BRINP3: variants seen among roughly 807,000 people sequenced by gnomAD.
BRINP3 encodes BMP/retinoic acid-inducible neural-specific protein 3.
A neutral mutation model predicts 71.0 loss-of-function variants in BRINP3; 19 were observed. The ratio of observed to expected loss-of-function variants is 0.27; its 90% CI spans 0.19 to 0.39. BRINP3 has a LOEUF of 0.39. Among genes scored for constraint, BRINP3 ranks in the 10% least tolerant of loss-of-function variants. The pLI is 1.00. For missense variants in BRINP3, 959 were observed against 940.8 expected (o/e 1.02, Z -0.25); for synonymous variants, 380 against 337.7 (o/e 1.13, Z -1.37).
At chr1:190,203,750 AATAT>A (rs553650706) in intron 6 of BRINP3, among the ~76,000 whole-genome samples, 2 of 39,342 alleles carry the variant, frequency 5.1e-5, no homozygotes, top group East Asian at 9.8e-4. Flanking sequence ...CACTAAAGAA[AATAT>A]ATATATATAT....
intron 2 of BRINP3, among the ~76,000 whole-genome samples, chr1:190,383,663 C>G (rs1220533206): frequency 1.3e-5 from 2 of 151,882 alleles, no homozygotes; most frequent in African/African-American, 4.8e-5. Context: ...TCCATTTTAC[C>G]TGGTAAAGTT....
At chr1:190,436,610 G>T (rs1674474254) in intron 2 of BRINP3, among the ~76,000 whole-genome samples, 1 of 151,732 alleles carries the variant, frequency 6.6e-6, no homozygotes, top group South Asian at 2.1e-4. Context: ...TTTTTAAAAT[G>T]ATCTTAAATA....
intron 7 of BRINP3, among the ~76,000 whole-genome samples, chr1:190,123,932 T>C (rs2102327830): frequency 6.6e-6 from 1 of 152,286 alleles, no homozygotes; most frequent in East Asian, 1.9e-4. Context: ...AGTTCTTCCC[T>C]TATTTTATAG....
intron 2 of BRINP3, among the ~76,000 whole-genome samples, chr1:190,354,626 T>C (rs1042747767): frequency 6.6e-6 from 1 of 151,954 alleles, no homozygotes; most frequent in Non-Finnish European, 1.5e-5. Flanking sequence ...AAGTGCACAA[T>C]ATTTTCTTTG....
chr1:190,226,036 T>A, intron 6 of BRINP3, 46 bp downstream of exon 6: 2 of 1,233,900 alleles, frequency 1.6e-6, no homozygotes, highest in Non-Finnish European at 2.3e-6. Context: ...TTTCAATATA[T>A]TTTTTGTCAA....
rs140574893 is a variant in BRINP3 at position 190,309,144 on chromosome 1, T to C, written c.237-27394A>G. Among the ~76,000 whole-genome samples the C allele has an allele frequency of 7.2e-5, 11 of 151,906 alleles. No homozygotes were observed. In the East Asian group the frequency reaches 1.9e-3, roughly 27 times the overall value. ...GTATGTTTGAACTCATACTACGGCA[T>C]GTGTGAATCTTGAGGACATTATGCT... On this transcript the variant is annotated intron_variant, in intron 2 of 7. Transcript: ENST00000367462.
chr1:190,191,177 C>T (rs1320915808), intron 6 of BRINP3, among the ~76,000 whole-genome samples: 2 of 152,116 alleles, frequency 1.3e-5, no homozygotes, highest in Non-Finnish European at 2.9e-5. Context: ...CAATGATTCT[C>T]TTCTCAGACT....
intron 2 of BRINP3, chr1:190,362,043 T>C (rs1012267568): frequency 5.3e-5 from 8 of 152,152 alleles, no homozygotes; most frequent in Non-Finnish European, 1.2e-4. Context: ...TCACTCTCTT[T>C]CTTTTCTGCC....
intron 2 of BRINP3, among the ~76,000 whole-genome samples, chr1:190,427,843 T>G (rs543006930): frequency 6.6e-6 from 1 of 151,714 alleles, no homozygotes; most frequent in East Asian, 1.9e-4. Flanking sequence ...AGCCAGGTAT[T>G]AAGCCTAGTA....
intron 2 of BRINP3, among the ~76,000 whole-genome samples, chr1:190,300,121 C>T (rs1664565954): frequency 6.6e-6 from 1 of 152,116 alleles, no homozygotes; most frequent in African/African-American, 2.4e-5. Context: ...TGGAAGTTCT[C>T]CTGGATAATA....
chr1:190,430,837 G>T (rs1674048036), intron 2 of BRINP3, among the ~76,000 whole-genome samples: 1 of 151,996 alleles, frequency 6.6e-6, no homozygotes, highest in East Asian at 1.9e-4. Context: ...TCTCACTGTT[G>T]GAGTCAACCT....
intron 4 of BRINP3, among the ~76,000 whole-genome samples, chr1:190,255,695 C>T (rs146400692): frequency 0.017 from 2,549 of 151,850 alleles, 72 homozygotes; most frequent in African/African-American, 0.052. Flanking sequence ...GTCTTGCTAG[C>T]GATCTATCAA....
chr1:190,234,571 G>T, intron 4 of BRINP3, 94 bp from the exon 5 acceptor site: 1 of 863,630 alleles, frequency 1.2e-6, no homozygotes, highest in South Asian at 1.8e-5. Flanking sequence ...TTATACGTTT[G>T]ACAGTAAATA....
intron 2 of BRINP3, among the ~76,000 whole-genome samples, chr1:190,351,068 T>G (rs999481264): frequency 1.3e-5 from 2 of 152,078 alleles, no homozygotes; most frequent in African/African-American, 4.8e-5. Context: ...CCTCCCAAAG[T>G]GCTGGGATTA....
chr1:190,332,564 C>T (rs1246909309), intron 2 of BRINP3, among the ~76,000 whole-genome samples: 4 of 151,970 alleles, frequency 2.6e-5, no homozygotes, highest in Admixed American at 6.6e-5. Context: ...GCGTGTCTAC[C>T]GTTACAATGC....
At chr1:190,333,262 G>A (rs1002402021) in intron 2 of BRINP3, among the ~76,000 whole-genome samples, 2 of 151,990 alleles carry the variant, frequency 1.3e-5, no homozygotes, top group South Asian at 4.2e-4. Context: ...CTACTGAGTG[G>A]TGAACCTACG....
At position 190,334,719 on chromosome 1, in the gene BRINP3, A is replaced by C. The variant is rs112259625; in HGVS notation, c.237-52969T>G. Among the ~76,000 whole-genome samples the C allele has an allele frequency of 5.1e-3, 772 of 151,914 alleles. 7 individuals are homozygous for C. Among genetic ancestry groups the C allele is most frequent in the African/African-American group, 0.017 (725 of 41,526 alleles). ...TGGCATGTAATTAGGTCTCTGAAAC[A>C]AACTTAAACTGGGAAGTATAAAATA... On this transcript the variant is annotated intron_variant, in intron 2 of 7. Transcript: ENST00000367462.
At chr1:190,471,897 C>T (rs1042114389) in intron 1 of BRINP3, among the ~76,000 whole-genome samples, 4 of 151,280 alleles carry the variant, frequency 2.6e-5, no homozygotes, top group African/African-American at 4.8e-5. Flanking sequence ...TGTATTATTT[C>T]AAGCTTTTTA....
intron 2 of BRINP3, among the ~76,000 whole-genome samples, chr1:190,304,576 T>C (rs1304825351): frequency 6.6e-6 from 1 of 151,798 alleles, no homozygotes; most frequent in African/African-American, 2.4e-5. Flanking sequence ...ATCATGCAGA[T>C]ATATGAAATT....
Sources: gnomAD v4.1 joint callset for allele counts (sites outside exome capture counted in the v4.1 genomes callset) on GRCh38, gnomAD v4.1.1 for gene constraint, MANE v1.5 for transcripts, NCBI Gene and HGNC (gene_info 2026-07-23, HGNC 2026-07-21) for gene names.